Variants in KLHL32 observed in about 807,000 individuals in gnomAD.
The protein encoded by KLHL32 is kelch-like protein 32.
A neutral mutation model predicts 64.8 loss-of-function variants in KLHL32; 35 were observed. The ratio of observed to expected loss-of-function variants is 0.54; its 90% confidence interval spans 0.41 to 0.72. The LOEUF is 0.72. Among genes scored for constraint, KLHL32 ranks in the 30% least tolerant of loss-of-function variants. The pLI, the probability that KLHL32 is intolerant of heterozygous loss-of-function variation, is 0.00. For synonymous variants in KLHL32, 259 were observed against 281.0 expected, an observed-to-expected ratio of 0.92 and a Z score of 0.78; for missense variants, 589 against 768.5, an observed-to-expected ratio of 0.77 and a Z score of 2.76.
At chr6:97,130,285 C>T (rs944313040) in intron 8 of KLHL32, among the ~76,000 whole-genome samples, 2 of 152,172 alleles carry the variant, frequency 1.3e-5, no homozygotes, top group African/African-American at 4.8e-5. Context: ...GATGAGAAAA[C>T]TGGCACAGAG....
At chr6:96,919,477 CATTT>C in the KLHL32 span, among the ~76,000 whole-genome samples, 1 of 152,144 alleles carries the variant, frequency 6.6e-6, no homozygotes, top group South Asian at 2.1e-4. Context: ...ATATGTGTTT[CATTT>C]GTTTGTTTTT....
intron 1 of KLHL32, among the ~76,000 whole-genome samples, chr6:96,959,302 T>G (rs1347796897): frequency 6.6e-6 from 1 of 152,156 alleles, no homozygotes; most frequent in African/African-American, 2.4e-5. Flanking sequence ...GGACAGCTTC[T>G]GAGCCACAGT....
At chr6:97,136,421 T>C (rs1452797945) in intron 10 of KLHL32, among the ~76,000 whole-genome samples, 1 of 152,192 alleles carries the variant, frequency 6.6e-6, no homozygotes, top group Non-Finnish European at 1.5e-5. Flanking sequence ...GAGATACTCT[T>C]AGGTTGAGAT....
intron 1 of KLHL32, among the ~76,000 whole-genome samples, chr6:96,945,049 A>G (rs1012624031): frequency 6.6e-6 from 1 of 152,216 alleles, no homozygotes; most frequent in Non-Finnish European, 1.5e-5. Context: ...AGATAATTCC[A>G]ATGTGCTGTG....
At chr6:96,924,361 A>C (rs919626842), upstream of KLHL32, among the ~76,000 whole-genome samples, 1 of 151,352 alleles carries the variant, frequency 6.6e-6, no homozygotes, top group Admixed American at 6.6e-5. Flanking sequence ...CAGACTGCGC[A>C]TGTGACCCAG....
rs374870998 is a variant in KLHL32 at position 97,132,328 on chromosome 6, A to G, written c.1607-325A>G. On this transcript the variant is annotated intron_variant, in intron 9 of 10. Coordinates refer to ENST00000369261, the MANE Select transcript of KLHL32 (RefSeq NM_052904.4). ...TGTTTGCATTTCTATAATATACCTT[A>G]TTTCCACCACTGTAAATTAATGGCA... Among the ~76,000 whole-genome samples the G allele has an allele frequency of 2.4e-4, 37 of 152,302 alleles. No homozygotes were observed. In the East Asian group the frequency reaches 5.6e-3, roughly 23 times the overall value.
intron 3 of KLHL32, among the ~76,000 whole-genome samples, chr6:96,996,641 G>A (rs975805610): frequency 1.3e-4 from 20 of 152,174 alleles, no homozygotes; most frequent in Non-Finnish European, 2.1e-4. Flanking sequence ...CAGTTTTGGC[G>A]TGGTATTTTG....
intron 1 of KLHL32, among the ~76,000 whole-genome samples, chr6:96,935,821 G>A (rs1269998961): frequency 6.6e-6 from 1 of 152,194 alleles, no homozygotes; most frequent in Non-Finnish European, 1.5e-5. Flanking sequence ...GGAAATGACA[G>A]TACATATTTA....
At chr6:96,904,286 G>A in the KLHL32 span, among the ~76,000 whole-genome samples, 1 of 144,510 alleles carries the variant, frequency 6.9e-6, no homozygotes, top group African/African-American at 2.6e-5. Flanking sequence ...AGGTTGCAGT[G>A]AGCCGATATC....
chr6:96,937,224 A>G (rs1770718592), intron 1 of KLHL32, among the ~76,000 whole-genome samples: 1 of 152,162 alleles, frequency 6.6e-6, no homozygotes, highest in South Asian at 2.1e-4. Flanking sequence ...GCCCATTTGC[A>G]GTTATTCGCC....
intron 3 of KLHL32, among the ~76,000 whole-genome samples, chr6:96,989,882 TA>T (rs796769515): frequency 4.6e-5 from 7 of 152,064 alleles, no homozygotes; most frequent in African/African-American, 1.4e-4. Flanking sequence ...ATTCTGCTGT[TA>T]AAAAAAAGTG....
intron 6 of KLHL32, among the ~76,000 whole-genome samples, chr6:97,107,120 G>A (rs1382989078): frequency 6.6e-6 from 1 of 152,044 alleles, no homozygotes; most frequent in African/African-American, 2.4e-5. Context: ...GTGAAACCCT[G>A]TCTCTTACTA....
chr6:96,939,017 G>A (rs1166778335), intron 1 of KLHL32, among the ~76,000 whole-genome samples: 1 of 152,130 alleles, frequency 6.6e-6, no homozygotes, highest in Non-Finnish European at 1.5e-5. Flanking sequence ...TAATGTGAAT[G>A]TAGGCAGTCT....
chr6:97,089,778 TA>T (rs35560928), intron 6 of KLHL32, among the ~76,000 whole-genome samples: 49,044 of 136,176 alleles, frequency 0.36, 8,237 homozygotes, highest in South Asian at 0.47. Flanking sequence ...AAACTCCAGC[TA>T]AAAAAAAAAA....
At chr6:97,045,721 C>T (rs575427211) in intron 4 of KLHL32, among the ~76,000 whole-genome samples, 45 of 152,172 alleles carry the variant, frequency 3.0e-4, no homozygotes, top group South Asian at 1.5e-3. Flanking sequence ...TGTGTATGTG[C>T]GTGTGTGTGT....
intron 3 of KLHL32, among the ~76,000 whole-genome samples, chr6:96,991,023 G>A (rs1777800625): frequency 6.6e-6 from 1 of 152,078 alleles, no homozygotes; most frequent in South Asian, 2.1e-4. Flanking sequence ...GGCTTGTGGT[G>A]ACTGCACTAC....
At chr6:96,912,102 G>A in the KLHL32 span, among the ~76,000 whole-genome samples, 49 of 151,866 alleles carry the variant, frequency 3.2e-4, 1 homozygote, top group South Asian at 6.3e-3. Context: ...ATCTTCCCCC[G>A]ACAAACCTGC....
intron 1 of KLHL32, among the ~76,000 whole-genome samples, chr6:96,959,910 C>T (rs1773701071): frequency 6.6e-6 from 1 of 152,166 alleles, no homozygotes; most frequent in Non-Finnish European, 1.5e-5. Context: ...TACTGTTGGT[C>T]TTTGGTCTCT....
chr6:97,110,139 C>T (rs1185062064), intron 6 of KLHL32, among the ~76,000 whole-genome samples: 2 of 152,110 alleles, frequency 1.3e-5, no homozygotes, highest in Admixed American at 1.3e-4. Flanking sequence ...TGGCAGAGAC[C>T]TGGTGATTGA....
Sources: allele counts gnomAD v4.1 joint callset (sites outside exome capture counted in the v4.1 genomes callset), GRCh38; gene constraint gnomAD v4.1.1; transcripts MANE v1.5; gene names NCBI Gene and HGNC (gene_info 2026-07-23, HGNC 2026-07-21).